Variants in TP63 observed in about 807,000 individuals in gnomAD.
TP63 encodes tumor protein p63, also known as tumor protein 63.
TP63 carries 17 observed loss-of-function variants against 82.8 expected under a neutral mutation model. That is an observed-to-expected ratio of 0.21 (90% confidence interval 0.14 to 0.31). TP63 has a LOEUF of 0.31. Ranked by LOEUF, TP63 falls within the 10% of genes least tolerant of loss-of-function variation. The probability of loss-of-function intolerance (pLI) is 1.00; values close to 1 mark genes in which losing one functional copy is unlikely to be tolerated. For synonymous variants in TP63, 330 were observed against 321.7 expected (o/e 1.03, Z -0.28); for missense variants, 648 against 895.3 (o/e 0.72, Z 3.52).
chr3:189,890,945 G>T, intron 13 of TP63, 63 bp downstream of exon 13: 1 of 1,508,772 alleles, frequency 6.6e-7, no homozygotes. Flanking sequence ...GATGACAACC[G>T]CCTTGTAGTT....
chr3:189,789,361 G>T (rs1380524773), intron 3 of TP63, among the ~76,000 whole-genome samples: 1 of 151,976 alleles, frequency 6.6e-6, no homozygotes, highest in Non-Finnish European at 1.5e-5. Context: ...AATCGTGGTG[G>T]TGGTGCGGTT....
At chr3:189,859,205 CAT>C (rs1181402723) in intron 4 of TP63, among the ~76,000 whole-genome samples, 2 of 152,090 alleles carry the variant, frequency 1.3e-5, no homozygotes, top group Non-Finnish European at 1.5e-5. Flanking sequence ...ACAATATAGA[CAT>C]GTATCAAAAC....
chr3:189,818,442 TATAAA>T (rs886527972), intron 4 of TP63, among the ~76,000 whole-genome samples: 4 of 152,136 alleles, frequency 2.6e-5, no homozygotes, highest in Non-Finnish European at 4.4e-5. Flanking sequence ...TAAGTTTACT[TATAAA>T]ATGTTATTTT....
chr3:189,758,173 A>G (rs1722322866), intron 3 of TP63, among the ~76,000 whole-genome samples: 1 of 152,200 alleles, frequency 6.6e-6, no homozygotes, highest in Admixed American at 6.5e-5. Context: ...CATAAGGAGC[A>G]CACAACTTAG....
intron 1 of TP63, among the ~76,000 whole-genome samples, chr3:189,650,072 G>A (rs112765204): frequency 0.028 from 4,160 of 146,752 alleles, 379 homozygotes; most frequent in Middle Eastern, 0.052. Flanking sequence ...CATTTCAAAA[G>A]TTGACCAATG....
Position 189,869,309 on chromosome 3 carries a change from T to G in TP63, c.1130-15T>G, listed in dbSNP as rs1273984881. 1.2e-6 allele frequency: 2 copies of G among 1,613,108 alleles called. No homozygotes were observed. The highest frequency in any genetic ancestry group is 2.2e-5 in the South Asian group (2 of 91,072). On this transcript the variant is annotated splice_polypyrimidine_tract_variant and intron_variant, in intron 8 of 13. Coordinates refer to ENST00000264731, the MANE Select transcript of TP63 (RefSeq NM_003722.5). ...AAGTGTTCCCAGGATGAAACTTGCA[T>G]TTTTCCTCCACCAGCGTTTCGTCAG...
intron 1 of TP63, among the ~76,000 whole-genome samples, chr3:189,679,975 C>T (rs375773035): frequency 6.6e-6 from 1 of 152,112 alleles, no homozygotes; most frequent in African/African-American, 2.4e-5. Flanking sequence ...ATTTGGTATA[C>T]ATGTTAGTTT....
intron 3 of TP63, among the ~76,000 whole-genome samples, chr3:189,754,974 C>T (rs1280589912): frequency 6.6e-6 from 1 of 151,940 alleles, no homozygotes; most frequent in African/African-American, 2.4e-5. Flanking sequence ...TTTTTTAGGG[C>T]TTTATGATGT....
intron 4 of TP63, among the ~76,000 whole-genome samples, chr3:189,836,373 A>G (rs745452353): frequency 6.6e-6 from 1 of 152,128 alleles, no homozygotes; most frequent in Non-Finnish European, 1.5e-5. Context: ...ATGGAATGCT[A>G]CCTTCTAGCA....
rs138483936 is a variant in TP63 at position 189,809,230 on chromosome 3, A to G, written c.579+704A>G. Among the ~76,000 whole-genome samples, 1,123 of 152,298 alleles carry G rather than the reference A, an allele frequency of 7.4e-3. 11 individuals carry two copies. Among genetic ancestry groups the G allele is most frequent in the African/African-American group, 0.026 (1,091 of 41,580 alleles). ...TTGTTAAAGAAAAATCTTTCTGCAT[A>G]TAAGTTTTCTAAGGAAGCATGGAAT... On this transcript the variant is annotated intron_variant, in intron 4 of 13. Transcript: ENST00000264731.
chr3:189,606,575 G>A, the TP63 span, among the ~76,000 whole-genome samples: 12 of 132,636 alleles, frequency 9.0e-5, no homozygotes, highest in South Asian at 2.5e-4. Context: ...GGGCAGTGGC[G>A]CACTCTTGGT....
chr3:189,791,806 T>C (rs62279941), intron 3 of TP63, among the ~76,000 whole-genome samples: 8,158 of 152,172 alleles, frequency 0.054, 274 homozygotes, highest in South Asian at 0.084. Context: ...TAAAATTCAG[T>C]GCTACATCTG....
chr3:189,880,176 T>C, intron 10 of TP63: 2 of 1,612,700 alleles, frequency 1.2e-6, no homozygotes, highest in Non-Finnish European at 1.7e-6. Flanking sequence ...AGTGTACCCA[T>C]AGAGCCCTAT....
chr3:189,808,648 T>C, intron 4 of TP63, 122 bp downstream of exon 4: 1 of 1,565,686 alleles, frequency 6.4e-7, no homozygotes, highest in Admixed American at 1.7e-5. Flanking sequence ...AAAATTTGTC[T>C]TTGAATATTT....
chr3:189,706,880 A>T (rs1718242830), intron 1 of TP63, among the ~76,000 whole-genome samples: 1 of 152,186 alleles, frequency 6.6e-6, no homozygotes, highest in Admixed American at 6.5e-5. Flanking sequence ...CAAATAGACA[A>T]TCCAAATCCA....
intron 4 of TP63, among the ~76,000 whole-genome samples, chr3:189,850,558 A>G (rs1333609746): frequency 6.6e-6 from 1 of 152,174 alleles, no homozygotes; most frequent in Non-Finnish European, 1.5e-5. Context: ...CTAAGGCTAA[A>G]TGTAGGATGA....
chr3:189,718,186 A>G (rs980493763), intron 1 of TP63, among the ~76,000 whole-genome samples: 2 of 152,190 alleles, frequency 1.3e-5, no homozygotes, highest in African/African-American at 4.8e-5. Flanking sequence ...CCATGATTGA[A>G]TAAGGGGACA....
At chr3:189,851,676 C>T (rs1715649969) in intron 4 of TP63, among the ~76,000 whole-genome samples, 1 of 152,142 alleles carries the variant, frequency 6.6e-6, no homozygotes, top group African/African-American at 2.4e-5. Flanking sequence ...GGCAGGCGGT[C>T]CCCCTGCTAG....
intron 3 of TP63, among the ~76,000 whole-genome samples, chr3:189,749,235 T>G (rs1014640057): frequency 1.3e-5 from 2 of 151,908 alleles, no homozygotes; most frequent in African/African-American, 4.8e-5. Context: ...AGAAAGCAAT[T>G]AATAGAACAA....
Sources: gnomAD v4.1 joint callset for allele counts (sites outside exome capture counted in the v4.1 genomes callset) on GRCh38, gnomAD v4.1.1 for gene constraint, MANE v1.5 for transcripts, NCBI Gene and HGNC (gene_info 2026-07-23, HGNC 2026-07-21) for gene names.